The following TTC3 variants were observed in gnomAD, a reference collection of about 807,000 sequenced individuals.
TTC3 encodes the protein tetratricopeptide repeat domain 3, also known as E3 ubiquitin-protein ligase TTC3.
In TTC3, 180 loss-of-function variants were observed where a neutral mutation model predicts 249.6. The observed-to-expected ratio is 0.72, with a 90% CI of 0.64 to 0.82. The LOEUF (loss-of-function observed/expected upper bound fraction) is 0.82. Among genes scored for constraint, TTC3 ranks in the 40% least tolerant of loss-of-function variants. TTC3 has a pLI of 0.00. For missense variants in TTC3, 2,061 were observed against 2,398.4 expected (o/e 0.86, Z 2.94); for synonymous variants, 717 against 805.0 (o/e 0.89, Z 1.85).
At chr21:37,187,202 TTTAATG>T in intron 38 of TTC3, 57 bp downstream of exon 38, 1 of 1,292,508 alleles carries the variant, frequency 7.7e-7, no homozygotes, top group South Asian at 1.4e-5. Flanking sequence ...TTTGTGTTTC[TTTAATG>T]ACATATGAGG....
intron 11 of TTC3, among the ~76,000 whole-genome samples, chr21:37,112,690 A>G: frequency 6.6e-6 from 1 of 152,158 alleles, no homozygotes; most frequent in Non-Finnish European, 1.5e-5. Context: ...AACTCATTTT[A>G]TGAAGCCAGC....
rs946192029 is a variant in TTC3 at position 37,135,695 on chromosome 21, G to A, written c.1578+181G>A. ...AATTCAGACTTCATGAGTATGTTCA[G>A]TATGTGATCCATGTTTATATTCTCT... On this transcript the variant is annotated intron_variant, in intron 18 of 45. Coordinates refer to ENST00000355666, the Ensembl canonical transcript of TTC3. Among the ~76,000 whole-genome samples, 6 of 152,190 alleles carry A rather than the reference G, an allele frequency of 3.9e-5. No individual in the cohort carries two copies. In the South Asian group the frequency reaches 1.2e-3, roughly 32 times the overall value.
intron 33 of TTC3, among the ~76,000 whole-genome samples, chr21:37,167,171 G>A (rs2081322587): frequency 6.6e-6 from 1 of 152,214 alleles, no homozygotes; most frequent in South Asian, 2.1e-4. Flanking sequence ...GAATGAGAAT[G>A]TTAAAAAGAG....
intron 12 of TTC3, among the ~76,000 whole-genome samples, 188 bp from the exon 13 acceptor site, chr21:37,122,795 G>A (rs564678228): frequency 6.6e-6 from 1 of 152,244 alleles, no homozygotes; most frequent in East Asian, 1.9e-4. Context: ...GACAAAGTTT[G>A]TGTAACATTT....
At chr21:37,199,322 C>T (rs898878684) in intron 44 of TTC3, among the ~76,000 whole-genome samples, 3 of 152,244 alleles carry the variant, frequency 2.0e-5, no homozygotes, top group Admixed American at 6.5e-5. Context: ...AGATGGGACT[C>T]ATTTTGTGCC....
intron 34 of TTC3, 88 bp from the exon 35 acceptor site, chr21:37,172,507 T>G: frequency 7.1e-7 from 1 of 1,402,308 alleles, no homozygotes; most frequent in Non-Finnish European, 9.5e-7. Context: ...TTACTCTCCT[T>G]TGTTTATTTT....
At chr21:37,156,286 C>T (rs2080075351) in intron 27 of TTC3, among the ~76,000 whole-genome samples, 2 of 152,036 alleles carry the variant, frequency 1.3e-5, no homozygotes, top group Non-Finnish European at 2.9e-5. Context: ...ATCTTCCAGC[C>T]TTGTCCTCCC....
In TTC3 at chr21:37,150,106, CT is replaced by C. The variant is rs2079328544; in HGVS notation, c.2148del (p.Asp717ThrfsTer27). On this transcript the variant is annotated frameshift_variant, in exon 24 of 46. Transcript: ENST00000355666. LOFTEE classifies it high-confidence loss of function. ...TTTCTACAAGGAATATGTCTTACCC[CT>C]GACTGTGAAGGTGTCATTTCTAAGA... 6.2e-7 allele frequency: 1 copy of C among 1,611,548 alleles called. No homozygotes were observed. The highest frequency in any genetic ancestry group is 8.5e-7 in the Non-Finnish European group (1 of 1,179,000).
At chr21:37,089,045 G>A (rs1021613699) in intron 5 of TTC3, among the ~76,000 whole-genome samples, 159 bp downstream of exon 5, 2 of 152,220 alleles carry the variant, frequency 1.3e-5, no homozygotes, top group East Asian at 3.8e-4. Context: ...TGCGTGCTCA[G>A]TATTTGAGAG....
intron 20 of TTC3, among the ~76,000 whole-genome samples, chr21:37,142,438 G>A (rs894466400): frequency 1.2e-4 from 19 of 152,248 alleles, no homozygotes; most frequent in Non-Finnish European, 4.4e-5. Flanking sequence ...AAAATCACAA[G>A]CATTCTTATA....
chr21:37,199,823 G>A (rs148037634), intron 44 of TTC3, among the ~76,000 whole-genome samples: 28 of 152,246 alleles, frequency 1.8e-4, no homozygotes, highest in Non-Finnish European at 3.5e-4. Context: ...ATGGGCTTCC[G>A]TCATGATTTT....
At chr21:37,198,092 G>T (rs1602208605) in intron 44 of TTC3, 67 bp downstream of exon 44, 2 of 1,493,488 alleles carry the variant, frequency 1.3e-6, no homozygotes, top group Admixed American at 2.3e-5. Flanking sequence ...TTTAATCCAT[G>T]ATTTAGCCCC....
At chr21:37,098,234 A>G (rs1013599718) in intron 10 of TTC3, 9 of 266,524 alleles carry the variant, frequency 3.4e-5, no homozygotes, top group Admixed American at 1.6e-4. Flanking sequence ...TGCTTTCAAG[A>G]TCAGATGAAT....
At chr21:37,091,413 T>A in exon 7 of TTC3, 1 of 1,606,056 alleles carries the variant, frequency 6.2e-7, no homozygotes, top group Non-Finnish European at 8.5e-7. Flanking sequence ...CTTTACTGAA[T>A]GTAAGTATAA....
At chr21:37,202,069 AT>A (rs1337933205) in exon 46 of TTC3, 1 of 152,400 alleles carries the variant, frequency 6.6e-6, no homozygotes, top group Non-Finnish European at 1.5e-5. Flanking sequence ...CATTTTAAGG[AT>A]GGGCATAAGC....
intron 18 of TTC3, among the ~76,000 whole-genome samples, chr21:37,138,347 C>T (rs1457085538): frequency 6.6e-6 from 1 of 152,122 alleles, no homozygotes; most frequent in African/African-American, 2.4e-5. Context: ...TGCTTATATG[C>T]AAAATAATAT....
Position 37,191,751 on chromosome 21 carries a change from T to C in TTC3, c.5115+327T>C, listed in dbSNP as rs554433377. ...GTGCCACCATGCTCGGCTAATTTTG[T>C]TTTTGGTTTTGGTTTTTAGTAGAGA... is the stretch of plus-strand genomic sequence containing the variant. On this transcript the variant is annotated intron_variant, in intron 40 of 45. Transcript: ENST00000355666. Among the ~76,000 whole-genome samples, 9 of 152,184 alleles carry C rather than the reference T, an allele frequency of 5.9e-5. No individual in the cohort carries two copies. In the East Asian group the frequency reaches 1.7e-3, roughly 30 times the overall value.
chr21:37,095,122 C>T (rs1441734927), intron 8 of TTC3, among the ~76,000 whole-genome samples: 1 of 96,114 alleles, frequency 1.0e-5, no homozygotes, highest in Non-Finnish European at 2.6e-5. Flanking sequence ...GGTGACAGAC[C>T]CTGTCTCTAA....
intron 1 of TTC3, among the ~76,000 whole-genome samples, chr21:37,075,232 A>C (rs2070683623): frequency 1.4e-5 from 2 of 139,418 alleles, no homozygotes; most frequent in South Asian, 4.4e-4. Flanking sequence ...TGATTGTGTT[A>C]TCTTTGGTTC....
Sources: gnomAD v4.1 joint callset for allele counts (sites outside exome capture counted in the v4.1 genomes callset) on GRCh38, gnomAD v4.1.1 for gene constraint, MANE v1.5 for transcripts, NCBI Gene and HGNC (gene_info 2026-07-23, HGNC 2026-07-21) for gene names.